SLC2A9: variants seen among roughly 807,000 people sequenced by gnomAD.
SLC2A9 encodes the protein solute carrier family 2 member 9, also known as solute carrier family 2, facilitated glucose transporter member 9.
SLC2A9 carries 39 observed loss-of-function variants against 50.6 expected under a neutral mutation model. The ratio of observed to expected loss-of-function variants is 0.77; its 90% CI spans 0.60 to 1.01. The LOEUF (loss-of-function observed/expected upper bound fraction) is 1.01, where lower values mean the gene tolerates loss of function less well. Ranked by LOEUF, SLC2A9 falls within the 50% of genes least tolerant of loss-of-function variation. The pLI, the probability that SLC2A9 is intolerant of heterozygous loss-of-function variation, is 0.00. For missense variants in SLC2A9, 686 were observed against 677.6 expected, an observed-to-expected ratio of 1.01 and a Z score of -0.14; for synonymous variants, 324 against 276.9, an observed-to-expected ratio of 1.17 and a Z score of -1.69.
chr4:9,818,108 T>G (rs1723877385), intron 3 of SLC2A9, among the ~76,000 whole-genome samples: 1 of 152,192 alleles, frequency 6.6e-6, no homozygotes, highest in Non-Finnish European at 1.5e-5. Context: ...TCAGTTCCTT[T>G]TATTGTCTGC....
rs1165418190 is a variant in SLC2A9 at position 9,980,624 on chromosome 4, G to T, written c.649C>A (p.Gln217Lys). The T allele has an allele frequency of 6.2e-7, 1 of 1,614,192 alleles. No individual in the cohort carries two copies. The highest frequency in any genetic ancestry group is 8.5e-7 in the Non-Finnish European group (1 of 1,180,032). Reference sequence around the variant, plus strand: ...AGCAGCTCGGGCAGGCCCAGAAGCTGCCCAGTGAACACGCCAATGCAGATA... The same window carrying T: ...AGCAGCTCGGGCAGGCCCAGAAGCTTCCCAGTGAACACGCCAATGCAGATA... ...IFICIGVFTG[Q>K]LLGLPELLGK... The change falls in exon 5 of 12, where the codon CAG (glutamine) becomes AAG (lysine). Residue 217 changes from glutamine to lysine, a missense_variant. Coordinates refer to ENST00000264784, the MANE Select transcript of SLC2A9 (RefSeq NM_020041.3).
At chr4:9,819,776 G>A (rs140283373) in intron 3 of SLC2A9, among the ~76,000 whole-genome samples, 2 of 152,280 alleles carry the variant, frequency 1.3e-5, no homozygotes, top group East Asian at 3.9e-4. Flanking sequence ...TCCACTAATA[G>A]TACAACAATC....
At chr4:9,951,439 T>G (rs1363612539) in intron 5 of SLC2A9, among the ~76,000 whole-genome samples, 1 of 152,174 alleles carries the variant, frequency 6.6e-6, no homozygotes, top group Non-Finnish European at 1.5e-5. Flanking sequence ...TTAACAAAAA[T>G]GTATTTTATT....
intron 7 of SLC2A9, among the ~76,000 whole-genome samples, chr4:9,918,667 C>G (rs915423632): frequency 6.6e-6 from 1 of 152,214 alleles, no homozygotes; most frequent in Non-Finnish European, 1.5e-5. Flanking sequence ...TGCATGTGCA[C>G]TTGATGAGGT....
At chr4:9,847,394 C>A (rs776207756) in intron 10 of SLC2A9, among the ~76,000 whole-genome samples, 1 of 152,202 alleles carries the variant, frequency 6.6e-6, no homozygotes, top group Admixed American at 6.5e-5. Flanking sequence ...ATAAAAGAAA[C>A]CACCTCCGTG....
At chr4:9,783,733 A>G in intron 3 of SLC2A9, 1 of 348,480 alleles carries the variant, frequency 2.9e-6, no homozygotes, top group Non-Finnish European at 5.4e-6. Context: ...GGGTCCTTAA[A>G]AAAAAAAATG....
chr4:9,893,879 C>T (rs1738032546), intron 8 of SLC2A9, among the ~76,000 whole-genome samples: 1 of 152,188 alleles, frequency 6.6e-6, no homozygotes, highest in Non-Finnish European at 1.5e-5. Context: ...CAATGCAACA[C>T]ATGTTAATCT....
At chr4:9,818,559 T>C (rs1034226246) in intron 3 of SLC2A9, among the ~76,000 whole-genome samples, 4 of 152,158 alleles carry the variant, frequency 2.6e-5, no homozygotes, top group Non-Finnish European at 5.9e-5. Context: ...GAGAGAACTT[T>C]GGTTATGATC....
Position 9,898,383 on chromosome 4 carries a change from A to G in SLC2A9, c.1114-7672T>C, listed in dbSNP as rs145193830. Among the ~76,000 whole-genome samples the G allele has an allele frequency of 4.5e-3, 693 of 152,384 alleles. 6 individuals carry two copies. The highest frequency in any genetic ancestry group is 0.016 in the African/African-American group (660 of 41,592). ...ATTTAATTTATTTCAAATTTATCTC[A>G]ATTAAAGCGTCCAAATTTGATGTAA... On this transcript the variant is annotated intron_variant, in intron 8 of 11. Coordinates refer to ENST00000264784, the MANE Select transcript of SLC2A9 (RefSeq NM_020041.3).
chr4:9,873,228 T>C (rs1733741632), intron 10 of SLC2A9, among the ~76,000 whole-genome samples: 1 of 151,784 alleles, frequency 6.6e-6, no homozygotes, highest in Non-Finnish European at 1.5e-5. Context: ...TGTGTGTGTT[T>C]GTGTGTTTGC....
At chr4:9,927,122 C>T (rs1745052583) in intron 6 of SLC2A9, among the ~76,000 whole-genome samples, 1 of 151,980 alleles carries the variant, frequency 6.6e-6, no homozygotes, top group Non-Finnish European at 1.5e-5. Flanking sequence ...CTCCGCCTCC[C>T]AGATTCAAGT....
At chr4:9,821,844 C>A (rs1313047696), downstream of SLC2A9, among the ~76,000 whole-genome samples, 1 of 152,198 alleles carries the variant, frequency 6.6e-6, no homozygotes, top group African/African-American at 2.4e-5. Context: ...GAATTTTCCA[C>A]TGAAACCATG....
chr4:9,881,099 A>G (rs1377667984), intron 10 of SLC2A9, among the ~76,000 whole-genome samples: 2 of 152,252 alleles, frequency 1.3e-5, no homozygotes, highest in Non-Finnish European at 2.9e-5. Flanking sequence ...AGCTGTCATC[A>G]GATGAGGCCT....
intron 1 of SLC2A9, among the ~76,000 whole-genome samples, chr4:9,771,583 G>A (rs550931891): frequency 6.6e-6 from 1 of 152,348 alleles, no homozygotes; most frequent in South Asian, 2.1e-4. Context: ...ACATATCAAT[G>A]GGTTCATCCC....
intron 6 of SLC2A9, among the ~76,000 whole-genome samples, chr4:9,934,682 T>C (rs528620379): frequency 3.3e-5 from 5 of 152,376 alleles, no homozygotes; most frequent in Admixed American, 6.5e-5. Flanking sequence ...CCAGGATACA[T>C]GTGCAGAATG....
intron 10 of SLC2A9, among the ~76,000 whole-genome samples, chr4:9,837,333 G>C (rs1727266092): frequency 6.6e-6 from 1 of 152,188 alleles, no homozygotes; most frequent in African/African-American, 2.4e-5. Context: ...ACCAGCCTTT[G>C]GTTCTGCAAA....
At chr4:9,915,253 T>A (rs906766258) in intron 7 of SLC2A9, among the ~76,000 whole-genome samples, 2 of 152,232 alleles carry the variant, frequency 1.3e-5, no homozygotes, top group African/African-American at 2.4e-5. Flanking sequence ...ACTTATTTAT[T>A]TGAGACGGAG....
upstream of SLC2A9, among the ~76,000 whole-genome samples, chr4:10,021,984 G>T (rs915037519): frequency 6.6e-6 from 1 of 152,116 alleles, no homozygotes; most frequent in South Asian, 2.1e-4. Flanking sequence ...AACTATAGGC[G>T]TGTGCCACCA....
At position 9,996,998 on chromosome 4, in the gene SLC2A9, C is replaced by T. The variant is rs1198850131; in HGVS notation, c.250-57G>A. 3 of 1,600,184 alleles carry T rather than the reference C, an allele frequency of 1.9e-6. No homozygotes were observed. The African/African-American group carries it at 4.0e-5, about 21-fold the overall frequency. ...TTCTGTTCTCTCCTGCTGCTTGAAG[C>T]AAGCCAGTGTACAAAACAAAACAGC... is the stretch of plus-strand genomic sequence containing the variant. On this transcript the variant is annotated intron_variant, in intron 2 of 11. Coordinates refer to ENST00000264784, the MANE Select transcript of SLC2A9 (RefSeq NM_020041.3).
Sources: gnomAD v4.1 joint callset for allele counts (sites outside exome capture counted in the v4.1 genomes callset) on GRCh38, gnomAD v4.1.1 for gene constraint, MANE v1.5 for transcripts, NCBI Gene and HGNC (gene_info 2026-07-23, HGNC 2026-07-21) for gene names.